The following TMEM132B variants were observed in gnomAD, a reference collection of about 807,000 sequenced individuals.
TMEM132B encodes transmembrane protein 132B.
In TMEM132B, 18 loss-of-function variants were observed where a neutral mutation model predicts 90.8. The observed-to-expected ratio is 0.20, with a 90% confidence interval of 0.14 to 0.29. The LOEUF (loss-of-function observed/expected upper bound fraction) is 0.29, where lower values mean the gene tolerates loss of function less well. TMEM132B is among the 10% of genes least tolerant of loss of function. The pLI, the probability that TMEM132B is intolerant of heterozygous loss-of-function variation, is 1.00. For synonymous variants in TMEM132B, 504 were observed against 523.3 expected, an observed-to-expected ratio of 0.96 and a Z score of 0.50; for missense variants, 1,096 against 1,326.8, an observed-to-expected ratio of 0.83 and a Z score of 2.70.
chr12:125,330,493 A>G (rs1876735215), intron 1 of TMEM132B, among the ~76,000 whole-genome samples: 1 of 152,086 alleles, frequency 6.6e-6, no homozygotes, highest in African/African-American at 2.4e-5. Context: ...CAAAGAAAGA[A>G]AAAAAATGGC....
At chr12:125,625,195 C>G (rs1236796749) in intron 5 of TMEM132B, among the ~76,000 whole-genome samples, 1 of 136,604 alleles carries the variant, frequency 7.3e-6, no homozygotes, top group South Asian at 2.3e-4. Context: ...TCCAGTGGCT[C>G]GATCTCAGCT....
chr12:125,354,362 T>C (rs1003756143), intron 2 of TMEM132B, among the ~76,000 whole-genome samples: 4 of 152,226 alleles, frequency 2.6e-5, no homozygotes, highest in Non-Finnish European at 5.9e-5. Context: ...AGATTTTATA[T>C]ACCATTTTCT....
intron 4 of TMEM132B, among the ~76,000 whole-genome samples, chr12:125,568,644 C>G (rs1297554927): frequency 6.6e-6 from 1 of 152,220 alleles, no homozygotes; most frequent in East Asian, 1.9e-4. Flanking sequence ...TTCTTCCCCC[C>G]TCTGGCTCTT....
chr12:125,630,760 G>T (rs1886350810), intron 5 of TMEM132B, among the ~76,000 whole-genome samples: 1 of 151,534 alleles, frequency 6.6e-6, no homozygotes, highest in Admixed American at 6.6e-5. Context: ...CCTCAATTAG[G>T]CCCCACTGTC....
At chr12:125,387,947 A>T (rs1411124933) in intron 2 of TMEM132B, among the ~76,000 whole-genome samples, 1 of 152,174 alleles carries the variant, frequency 6.6e-6, no homozygotes, top group Non-Finnish European at 1.5e-5. Context: ...AGAGTCTTTG[A>T]CTAGAAAGGA....
intron 6 of TMEM132B, among the ~76,000 whole-genome samples, chr12:125,645,399 G>A (rs1886738568): frequency 6.6e-6 from 1 of 152,156 alleles, no homozygotes. Context: ...CCCTCTGCAA[G>A]CAGAGAGTTC....
At chr12:125,384,080 G>A (rs1456570595) in intron 2 of TMEM132B, among the ~76,000 whole-genome samples, 1 of 152,114 alleles carries the variant, frequency 6.6e-6, no homozygotes, top group African/African-American at 2.4e-5. Flanking sequence ...CCAAGTAGCT[G>A]GGATTACAGG....
rs573271076 is a variant in TMEM132B, at chr12:125,417,606, G to T, written c.1106+1929G>T. Among the ~76,000 whole-genome samples, 127 of 152,316 alleles carry T rather than the reference G, an allele frequency of 8.3e-4. 1 individual carries two copies. Among genetic ancestry groups the T allele is most frequent in the African/African-American group, 2.9e-3 (121 of 41,578 alleles). On this transcript the variant is annotated intron_variant, in intron 3 of 8. Coordinates refer to ENST00000682704, the MANE Select transcript of TMEM132B (RefSeq NM_001366854.1). ...GCTTATCAGGTGGGTTTGTGTCCCTGCAGGTAGAGAAGTTTGGGGGTGGCG... is the reference window on the plus strand; with the variant it reads ...GCTTATCAGGTGGGTTTGTGTCCCTTCAGGTAGAGAAGTTTGGGGGTGGCG...
intron 3 of TMEM132B, among the ~76,000 whole-genome samples, chr12:125,448,325 A>G (rs1249759338): frequency 6.6e-6 from 1 of 152,190 alleles, no homozygotes; most frequent in Non-Finnish European, 1.5e-5. Context: ...TAGATGCAGA[A>G]TAGTGCCATA....
chr12:125,340,798 A>G (rs1282503081), intron 1 of TMEM132B, among the ~76,000 whole-genome samples: 2 of 152,218 alleles, frequency 1.3e-5, no homozygotes, highest in Admixed American at 6.5e-5. Context: ...GTCTTGGCAC[A>G]CACCGCTGGG....
intron 1 of TMEM132B, among the ~76,000 whole-genome samples, chr12:125,329,237 T>A (rs1045190199): frequency 5.9e-5 from 9 of 152,198 alleles, no homozygotes; most frequent in Non-Finnish European, 1.0e-4. Flanking sequence ...ACATCAAATC[T>A]GCTGGCGCCT....
At chr12:125,345,310 A>G (rs374358473) in intron 1 of TMEM132B, among the ~76,000 whole-genome samples, 3 of 152,196 alleles carry the variant, frequency 2.0e-5, no homozygotes, top group African/African-American at 7.2e-5. Flanking sequence ...GCTCCCAGAC[A>G]TGACTGGAGC....
chr12:125,506,737 T>C (rs141302017), intron 3 of TMEM132B, among the ~76,000 whole-genome samples: 7 of 152,346 alleles, frequency 4.6e-5, no homozygotes, highest in Non-Finnish European at 1.0e-4. Flanking sequence ...GATGAACATA[T>C]AGCTTCAATA....
At chr12:125,329,969 G>A (rs925118459) in intron 1 of TMEM132B, among the ~76,000 whole-genome samples, 4 of 152,254 alleles carry the variant, frequency 2.6e-5, no homozygotes, top group African/African-American at 7.2e-5. Context: ...AGTGGACAAA[G>A]GGAAGGGGAG....
intron 5 of TMEM132B, among the ~76,000 whole-genome samples, chr12:125,602,071 C>A (rs778881160): frequency 6.6e-6 from 1 of 152,198 alleles, no homozygotes; most frequent in Non-Finnish European, 1.5e-5. Flanking sequence ...TGAAACTATT[C>A]CAAACAATTG....
intron 2 of TMEM132B, among the ~76,000 whole-genome samples, chr12:125,355,768 G>A (rs142483082): frequency 1.3e-5 from 2 of 152,272 alleles, no homozygotes; most frequent in East Asian, 3.9e-4. Context: ...CACAAGATTT[G>A]CTGAGATCGA....
At chr12:125,535,103 C>T (rs1384252541) in intron 4 of TMEM132B, among the ~76,000 whole-genome samples, 4 of 152,178 alleles carry the variant, frequency 2.6e-5, no homozygotes, top group South Asian at 2.1e-4. Flanking sequence ...GATGTATTTA[C>T]ACCAAGTTTT....
intron 1 of TMEM132B, among the ~76,000 whole-genome samples, chr12:125,228,597 G>T (rs1451212767): frequency 6.6e-6 from 1 of 152,236 alleles, no homozygotes; most frequent in Non-Finnish European, 1.5e-5. Context: ...GGCGGAGCTG[G>T]ACCTGTTCAG....
At chr12:125,548,665 C>T (rs1884147853) in intron 4 of TMEM132B, among the ~76,000 whole-genome samples, 2 of 152,142 alleles carry the variant, frequency 1.3e-5, no homozygotes. Context: ...TGTTGGTAGC[C>T]TTGCAGGGCC....
Sources: gnomAD v4.1 joint callset for allele counts (sites outside exome capture counted in the v4.1 genomes callset) on GRCh38, gnomAD v4.1.1 for gene constraint, MANE v1.5 for transcripts, NCBI Gene and HGNC (gene_info 2026-07-23, HGNC 2026-07-21) for gene names.